Variants in ADD2 observed in about 807,000 individuals in gnomAD.
ADD2 encodes the protein beta-adducin.
Under a neutral mutation model 83.0 loss-of-function variants are expected in ADD2, and 23 were observed. That is an observed-to-expected ratio of 0.28 (90% confidence interval 0.20 to 0.39). The LOEUF is 0.39. Ranked by LOEUF, ADD2 falls within the 10% of genes least tolerant of loss-of-function variation. The pLI is 1.00. For missense variants in ADD2, 758 were observed against 944.9 expected, an observed-to-expected ratio of 0.80 and a Z score of 2.59; for synonymous variants, 375 against 375.4, an observed-to-expected ratio of 1.00 and a Z score of 0.01.
intron 3 of ADD2, among the ~76,000 whole-genome samples, chr2:70,704,764 GACTTC>G (rs1558545818): frequency 6.6e-6 from 1 of 152,220 alleles, no homozygotes; most frequent in Non-Finnish European, 1.5e-5. Flanking sequence ...GACATGGTAG[GACTTC>G]ACTTTAGTAA....
intron 1 of ADD2, among the ~76,000 whole-genome samples, chr2:70,719,756 CA>C (rs1428096547): frequency 6.6e-6 from 1 of 152,222 alleles, no homozygotes; most frequent in African/African-American, 2.4e-5. Context: ...TACTTTTAAG[CA>C]GTCACCTTGC....
intron 1 of ADD2, among the ~76,000 whole-genome samples, chr2:70,733,787 G>A (rs1673392299): frequency 6.6e-6 from 1 of 152,176 alleles, no homozygotes; most frequent in East Asian, 1.9e-4. Context: ...TGTGCCACCT[G>A]GGAGGGTTTT....
chr2:70,677,043 C>G (rs1278904771), intron 12 of ADD2, among the ~76,000 whole-genome samples, 158 bp from the exon 13 acceptor site: 1 of 152,070 alleles, frequency 6.6e-6, no homozygotes, highest in African/African-American at 2.4e-5. Context: ...TAAGGGGGGG[C>G]CTCCAAGTCT....
intron 5 of ADD2, among the ~76,000 whole-genome samples, 175 bp downstream of exon 5, chr2:70,696,070 C>G (rs1243865354): frequency 6.6e-6 from 1 of 152,230 alleles, no homozygotes; most frequent in African/African-American, 2.4e-5. Context: ...AAAGTGCCCA[C>G]TGGGCAGGAT....
chr2:70,716,166 A>G (rs2104421786), intron 1 of ADD2, among the ~76,000 whole-genome samples: 1 of 151,992 alleles, frequency 6.6e-6, no homozygotes, highest in South Asian at 2.1e-4. Flanking sequence ...CCAAATGCAC[A>G]CCCCATGTTA....
intron 1 of ADD2, among the ~76,000 whole-genome samples, chr2:70,750,857 T>G (rs188459279): frequency 2.0e-5 from 3 of 152,288 alleles, no homozygotes; most frequent in Admixed American, 2.0e-4. Context: ...TTTTCCTGTG[T>G]CCAGGAATGA....
intron 4 of ADD2, among the ~76,000 whole-genome samples, chr2:70,698,359 C>T (rs1052660020): frequency 1.1e-4 from 16 of 152,204 alleles, no homozygotes; most frequent in African/African-American, 3.9e-4. Flanking sequence ...CCCACAGGTA[C>T]AAGGGGCAGA....
chr2:70,721,884 G>A (rs3771442), intron 1 of ADD2, among the ~76,000 whole-genome samples: 11,703 of 152,150 alleles, frequency 0.077, 577 homozygotes, highest in East Asian at 0.17. Flanking sequence ...AGTGATTGGC[G>A]ACTAACATCA....
chr2:70,668,637 A>G (rs147856160), intron 15 of ADD2, among the ~76,000 whole-genome samples: 1 of 152,358 alleles, frequency 6.6e-6, no homozygotes, highest in African/African-American at 2.4e-5. Context: ...GGTCAGATGA[A>G]GGCTCAACAG....
chr2:70,681,984 T>G (rs1670476634), intron 10 of ADD2, among the ~76,000 whole-genome samples: 2 of 152,126 alleles, frequency 1.3e-5, no homozygotes, highest in Non-Finnish European at 2.9e-5. Flanking sequence ...ACTCCCAAGG[T>G]GCTGAGATTA....
chr2:70,690,899 C>T lies in ADD2; in HGVS notation c.736G>A (p.Val246Ile), dbSNP rs782818431. 3.7e-5 allele frequency: 59 copies of T among 1,613,554 alleles called. No homozygotes were observed. The highest frequency in any genetic ancestry group is 4.7e-5 in the Non-Finnish European group (55 of 1,179,812). ...CCCACCAGCAGGGCATTGTGGGAGA[C>T]AGGCAGGAGGCCCCACTTCATGGCC... Reference protein sequence around the residue: ...VSAMKWGLLPVSHNALLVGDM... With the variant: ...VSAMKWGLLPISHNALLVGDM... The change falls in exon 8 of 16, where the codon GTC becomes ATC. Residue 246 changes from valine (V) to isoleucine (I), a missense_variant. By Grantham distance (29) the Val-to-Ile change is conservative. Around this residue, in one of 5 missense-constraint regions of ADD2, gnomAD observed 394 missense variants for 509.3 expected, o/e 0.77. Coordinates refer to ENST00000264436, the MANE Select transcript of ADD2 (RefSeq NM_001617.4).
intron 1 of ADD2, among the ~76,000 whole-genome samples, chr2:70,752,442 T>C (rs1384587849): frequency 2.6e-5 from 4 of 152,186 alleles, no homozygotes; most frequent in Admixed American, 2.0e-4. Flanking sequence ...CTTATAAATA[T>C]AAATATATGT....
intron 14 of ADD2, 106 bp downstream of exon 14, chr2:70,674,572 A>G: frequency 8.0e-6 from 10 of 1,252,484 alleles, no homozygotes; most frequent in Non-Finnish European, 1.1e-5. Context: ...ACTACAGTAG[A>G]AATATTCTTT....
At chr2:70,708,001 C>G (rs1475429835) in intron 2 of ADD2, among the ~76,000 whole-genome samples, 1 of 152,214 alleles carries the variant, frequency 6.6e-6, no homozygotes, top group Non-Finnish European at 1.5e-5. Flanking sequence ...AAGCTCATTA[C>G]AAAGGAGGCT....
chr2:70,768,043 T>C lies in ADD2; in HGVS notation c.-311A>G. 2 of 1,431,526 alleles carry C rather than the reference T, an allele frequency of 1.4e-6. No individual in the cohort carries two copies. The highest frequency in any genetic ancestry group is 1.4e-5 in the African/African-American group (1 of 70,884). The allele number at this position is 1,431,526 out of a possible 1,614,324, so 88.7% of individuals were successfully genotyped here. A position where few individuals can be genotyped will look rare whatever the true frequency, so the allele number is the denominator to read the frequency against. ...TGCAGCCCGCGCTCGTCAGAGCTGC[T>C]GGGAGATCCCCCAGCAGTGCAGCGG... On this transcript the variant is annotated 5_prime_UTR_variant, in exon 1 of 16. Transcript: ENST00000264436.
intron 1 of ADD2, among the ~76,000 whole-genome samples, chr2:70,764,057 T>A (rs1333701961): frequency 6.6e-6 from 1 of 151,518 alleles, no homozygotes; most frequent in Non-Finnish European, 1.5e-5. Flanking sequence ...TCAGCTAATT[T>A]TTGTATTTTT....
intron 3 of ADD2, 93 bp from the exon 4 acceptor site, chr2:70,704,552 G>A (rs1553374113): frequency 1.3e-6 from 2 of 1,505,576 alleles, no homozygotes; most frequent in African/African-American, 2.7e-5. Flanking sequence ...TTGCCCCTGG[G>A]TCAGCTAGGT....
chr2:70,685,286 T>C (rs1209561958), intron 9 of ADD2, among the ~76,000 whole-genome samples: 1 of 152,220 alleles, frequency 6.6e-6, no homozygotes, highest in African/African-American at 2.4e-5. Context: ...CCTTAGAGTA[T>C]GTTAAATTCA....
At chr2:70,727,927 AT>A (rs1553378593) in intron 1 of ADD2, among the ~76,000 whole-genome samples, 7 of 151,562 alleles carry the variant, frequency 4.6e-5, no homozygotes, top group Non-Finnish European at 7.4e-5. Flanking sequence ...AAATAAATAA[AT>A]AAATAAAATG....
Sources: gnomAD v4.1 joint callset for allele counts (sites outside exome capture counted in the v4.1 genomes callset) on GRCh38, gnomAD v4.1.1 for gene constraint, gnomAD v4.1.1 regional missense constraint, MANE v1.5 for transcripts, NCBI Gene and HGNC (gene_info 2026-07-23, HGNC 2026-07-21) for gene names.